Variants in VAC14 observed in about 807,000 individuals in gnomAD.
VAC14 encodes protein VAC14 homolog.
Under a neutral mutation model 85.3 loss-of-function variants are expected in VAC14, and 47 were observed. The observed-to-expected ratio is 0.55, with a 90% CI of 0.44 to 0.70. The LOEUF is 0.70. Ranked by LOEUF, VAC14 falls within the 30% of genes least tolerant of loss-of-function variation. VAC14 has a pLI of 0.00. For missense variants in VAC14, 861 were observed against 1,004.3 expected, an observed-to-expected ratio of 0.86 and a Z score of 1.93; for synonymous variants, 447 against 430.5, an observed-to-expected ratio of 1.04 and a Z score of -0.47.
chr16:70,800,564 C>T (rs2034742476), intron 1 of VAC14, among the ~76,000 whole-genome samples: 1 of 152,234 alleles, frequency 6.6e-6, no homozygotes, highest in Non-Finnish European at 1.5e-5. Flanking sequence ...TTCATTCTCA[C>T]TGCAGCCCTT....
chr16:70,800,360 C>T (rs537794338), intron 1 of VAC14, among the ~76,000 whole-genome samples: 2 of 152,316 alleles, frequency 1.3e-5, no homozygotes, highest in South Asian at 4.1e-4. Flanking sequence ...TCTACTTGGT[C>T]ACTAACAATC....
At position 70,790,984 on chromosome 16, in the gene VAC14, GC is replaced by G. The variant is rs753532755; in HGVS notation, c.105-4620del. On this transcript the variant is annotated intron_variant, in intron 1 of 18. Coordinates refer to ENST00000261776, the MANE Select transcript of VAC14 (RefSeq NM_018052.5). The stretch of plus-strand genomic sequence containing the variant: ...CACCGGGCCTGGGGTCAACCCCTGG[GC>G]CACCGGCAGGAAGAATCTGTTCCAC... 8.6e-4 allele frequency among the ~76,000 whole-genome samples: 131 copies of G among 152,206 alleles called. 3 individuals are homozygous for G. Among genetic ancestry groups the G allele is most frequent in the Non-Finnish European group, 1.6e-4 (11 of 68,036 alleles).
At chr16:70,726,896 A>G (rs1046254988) in intron 14 of VAC14, among the ~76,000 whole-genome samples, 2 of 152,228 alleles carry the variant, frequency 1.3e-5, no homozygotes, top group Non-Finnish European at 2.9e-5. Context: ...CAGGAAGTCC[A>G]ACCCACTCAA....
chr16:70,727,655 A>C (rs2054468774), intron 14 of VAC14, among the ~76,000 whole-genome samples: 3 of 152,198 alleles, frequency 2.0e-5, no homozygotes. Context: ...CCCCTCTTTA[A>C]AGTCATCGCA....
intron 14 of VAC14, among the ~76,000 whole-genome samples, chr16:70,729,422 A>C (rs1355427660): frequency 6.6e-6 from 1 of 152,056 alleles, no homozygotes; most frequent in East Asian, 1.9e-4. Context: ...CCTCTCCCAC[A>C]ACTCAATTCT....
At chr16:70,728,649 C>T (rs2054499550) in intron 14 of VAC14, among the ~76,000 whole-genome samples, 1 of 152,200 alleles carries the variant, frequency 6.6e-6, no homozygotes, top group Non-Finnish European at 1.5e-5. Flanking sequence ...CTCCATGCAG[C>T]CTGGAGATGC....
In VAC14 at chr16:70,783,514, T is replaced by G. The variant is rs1308151847; in HGVS notation, c.635A>C (p.Asp212Ala). The G allele has an allele frequency of 6.2e-7, 1 of 1,613,876 alleles. No homozygotes were observed. Among genetic ancestry groups the G allele is most frequent in the African/African-American group, 1.3e-5 (1 of 74,902 alleles). Residue 212 changes from aspartate to alanine, a missense_variant, in exon 6 of 19, where the codon GAT (aspartate) becomes GCT (alanine). Coordinates refer to ENST00000261776, the MANE Select transcript of VAC14 (RefSeq NM_018052.5). ...TCCATCCAGGATCTCCGGCAGGTAATCCAGCAGGTTAATGTCTGGCACCGA... is the reference window on the plus strand; with the variant it reads ...TCCATCCAGGATCTCCGGCAGGTAAGCCAGCAGGTTAATGTCTGGCACCGA... ...LESVPDINLL[D>A]YLPEILDGLF...
At chr16:70,693,496 C>G (rs985198102) in intron 17 of VAC14, among the ~76,000 whole-genome samples, 1 of 152,224 alleles carries the variant, frequency 6.6e-6, no homozygotes, top group Non-Finnish European at 1.5e-5. Flanking sequence ...TTGTGTGTAG[C>G]GAGACACACA....
rs1312589465 is a variant in VAC14 at position 70,698,643 on chromosome 16, C to T, written c.1830G>A (p.Lys610=). ...FQLRNQLKDL[K]TLESQNLFCC... is the part of the protein sequence containing the mutation. ...AGTCCCGGACGCAGCCTACCAGGGT[C>T]TTCAGGTCCTTCAGCTGGTTCCTTA... Residue 610 remains lysine, a synonymous_variant, in exon 15 of 19, where the codon AAG becomes AAA. Coordinates refer to ENST00000261776, the MANE Select transcript of VAC14 (RefSeq NM_018052.5). 2 of 1,614,132 alleles carry T rather than the reference C, an allele frequency of 1.2e-6. No homozygotes were observed. The highest frequency in any genetic ancestry group is 1.7e-6 in the Non-Finnish European group (2 of 1,179,984).
rs1276824464 is a variant in VAC14 at position 70,800,133 on chromosome 16, A to T, written c.104+664T>A. Among the ~76,000 whole-genome samples the T allele has an allele frequency of 5.3e-5, 8 of 152,226 alleles. No homozygotes were observed. In the South Asian group the frequency reaches 1.7e-3, roughly 32 times the overall value. ...AAAAGTAAAATAATACTGCAGAAAA[A>T]AAAATAAATAAAACATCCCCAGTTA... On this transcript the variant is annotated intron_variant, in intron 1 of 18. Coordinates refer to ENST00000261776, the MANE Select transcript of VAC14 (RefSeq NM_018052.5).
intron 14 of VAC14, among the ~76,000 whole-genome samples, chr16:70,722,651 G>T (rs959625973): frequency 3.9e-5 from 6 of 152,178 alleles, no homozygotes; most frequent in Admixed American, 2.0e-4. Context: ...GACACACTCG[G>T]TGTTTAAATA....
chr16:70,697,088 C>T, intron 16 of VAC14, 51 bp downstream of exon 16: 1 of 1,497,582 alleles, frequency 6.7e-7, no homozygotes, highest in African/African-American at 1.4e-5. Flanking sequence ...GCAGCCGGCC[C>T]CTTCCTGCCC....
chr16:70,722,994 T>C (rs187289534), intron 14 of VAC14, among the ~76,000 whole-genome samples: 11 of 152,104 alleles, frequency 7.2e-5, no homozygotes, highest in African/African-American at 2.4e-4. Context: ...GGTGGGTGGA[T>C]CACCTGAGGT....
intron 6 of VAC14, 148 bp from the exon 7 acceptor site, chr16:70,783,287 G>A (rs1056623434): frequency 6.6e-5 from 69 of 1,052,024 alleles, no homozygotes; most frequent in Non-Finnish European, 9.1e-5. Flanking sequence ...GATGCTGGGG[G>A]TTGATGGGCT....
chr16:70,733,765 T>C (rs1369140300), intron 13 of VAC14, among the ~76,000 whole-genome samples: 1 of 152,168 alleles, frequency 6.6e-6, no homozygotes, highest in African/African-American at 2.4e-5. Context: ...CTATAAAGCC[T>C]GCAGAACTGT....
intron 14 of VAC14, among the ~76,000 whole-genome samples, chr16:70,711,986 G>A (rs1326071265): frequency 6.6e-6 from 1 of 152,176 alleles, no homozygotes; most frequent in Non-Finnish European, 1.5e-5. Flanking sequence ...TGCCACAGCC[G>A]TAGTGGTGGG....
intron 13 of VAC14, among the ~76,000 whole-genome samples, chr16:70,733,901 C>A (rs2054670074): frequency 6.6e-6 from 1 of 152,200 alleles, no homozygotes; most frequent in Admixed American, 6.5e-5. Context: ...TCTTGGCTCA[C>A]TGCAACCTCC....
At chr16:70,730,195 C>T (rs965543904) in intron 14 of VAC14, among the ~76,000 whole-genome samples, 3 of 151,898 alleles carry the variant, frequency 2.0e-5, no homozygotes, top group African/African-American at 7.3e-5. Context: ...CACAAGCTGC[C>T]ACAGTCTCTG....
intron 12 of VAC14, among the ~76,000 whole-genome samples, chr16:70,752,628 G>C (rs1246648561): frequency 6.6e-6 from 1 of 152,236 alleles, no homozygotes; most frequent in Non-Finnish European, 1.5e-5. Context: ...GCAGCCAGGA[G>C]AAGGCTCCTG....
Sources: allele counts gnomAD v4.1 joint callset (sites outside exome capture counted in the v4.1 genomes callset), GRCh38; gene constraint gnomAD v4.1.1; transcripts MANE v1.5; gene names NCBI Gene and HGNC (gene_info 2026-07-23, HGNC 2026-07-21).